The following PCDHGA2 variants were observed in gnomAD, a reference collection of about 807,000 sequenced individuals.
PCDHGA2 encodes the protein protocadherin gamma-A2.
PCDHGA2 carries 40 observed loss-of-function variants against 59.2 expected under a neutral mutation model. The observed-to-expected ratio is 0.68, with a 90% CI of 0.52 to 0.88. The LOEUF (loss-of-function observed/expected upper bound fraction) is 0.88. PCDHGA2 is among the 40% of genes least tolerant of loss of function. The pLI is 0.00. For missense variants in PCDHGA2, 1,226 were observed against 1,204.0 expected (o/e 1.02, Z -0.27); for synonymous variants, 560 against 526.0 (o/e 1.06, Z -0.89).
intron 1 of PCDHGA2, chr5:141,375,778 C>T (rs772854971): frequency 1.9e-6 from 3 of 1,614,242 alleles, no homozygotes; most frequent in South Asian, 2.2e-5. Flanking sequence ...TCCTGTACCC[C>T]GCCCTCCCCA....
At chr5:141,382,958 TG>T in intron 1 of PCDHGA2, 1 of 1,606,924 alleles carries the variant, frequency 6.2e-7, no homozygotes, top group Middle Eastern at 1.7e-4. Flanking sequence ...TCCATCCTCC[TG>T]GGGACCCCCT....
In PCDHGA2 at chr5:141,431,023, C is replaced by T. The variant is rs374655655; in HGVS notation, c.2425-63784C>T. 1 of 1,613,748 alleles carries T rather than the reference C, an allele frequency of 6.2e-7. No homozygotes were observed. On this transcript the variant is annotated intron_variant, in intron 1 of 3. Coordinates refer to ENST00000394576, the MANE Select transcript of PCDHGA2 (RefSeq NM_018915.4). This position sits in a 1 kb window ranked among gnomAD's most constrained non-coding sequence, Gnocchi z 4.8. Reference sequence around the variant, plus strand: ...GCAGCGGCAGCTTGGTCACGGCGGGCAGGATAGACCGGGAGGAGCTCTGTA... The same window carrying T: ...GCAGCGGCAGCTTGGTCACGGCGGGTAGGATAGACCGGGAGGAGCTCTGTA...
chr5:141,420,246 T>C (rs1216078492), intron 1 of PCDHGA2: 3 of 1,583,234 alleles, frequency 1.9e-6, no homozygotes, highest in African/African-American at 2.7e-5. Context: ...ACTCCCAGCG[T>C]TGAAGCAGAT....
At chr5:141,503,517 T>C (rs6878542) in intron 2 of PCDHGA2, among the ~76,000 whole-genome samples, 77,350 of 150,132 alleles carry the variant, frequency 0.52, 20,504 homozygotes, top group African/African-American at 0.63. Flanking sequence ...GAGAATCACT[T>C]GAACCTGGGA....
At chr5:141,399,864 G>A (rs762765678) in intron 1 of PCDHGA2, 1 of 1,612,860 alleles carries the variant, frequency 6.2e-7, no homozygotes. Flanking sequence ...GCGCTGCAGA[G>A]CCCGGCTACC....
intron 1 of PCDHGA2, chr5:141,351,424 CAAA>C (rs748407300): frequency 1.8e-4 from 295 of 1,611,554 alleles, no homozygotes; most frequent in Non-Finnish European, 2.4e-4. Context: ...AAGTTCCTTT[CAAA>C]TTAGAATCCA....
chr5:141,419,259 C>A (rs765877993), intron 1 of PCDHGA2: 11 of 1,614,016 alleles, frequency 6.8e-6, no homozygotes, highest in Non-Finnish European at 9.3e-6. Flanking sequence ...AACAACCAGC[C>A]GGGTGCCTCC....
At chr5:141,388,207 C>T (rs1374751231) in intron 1 of PCDHGA2, 1 of 1,578,332 alleles carries the variant, frequency 6.3e-7, no homozygotes, top group Admixed American at 1.7e-5. Flanking sequence ...GAATTTGAGG[C>T]TGTTGCTGAA....
chr5:141,511,276 T>C lies in PCDHGA2; in HGVS notation c.*103T>C. On this transcript the variant is annotated 3_prime_UTR_variant, in exon 4 of 4. Coordinates refer to ENST00000394576, the MANE Select transcript of PCDHGA2 (RefSeq NM_018915.4). ...AGAGTTTCAGGGCTAACCCCCAGAA[T>C]ACTGGTAGGGGCCAAGGCCATGCTC... 6.5e-7 allele frequency: 1 copy of C among 1,538,084 alleles called. No homozygotes were observed. Among genetic ancestry groups the C allele is most frequent in the Non-Finnish European group, 8.8e-7 (1 of 1,140,720 alleles).
chr5:141,355,216 G>A (rs1237611423), intron 1 of PCDHGA2: 1 of 1,604,048 alleles, frequency 6.2e-7, no homozygotes, highest in Admixed American at 1.7e-5. Context: ...GGCGCCTCCT[G>A]CTCGCCCAGA....
chr5:141,360,895 G>C lies in PCDHGA2; in HGVS notation c.2424+19500G>C, dbSNP rs766855815. The stretch of plus-strand genomic sequence containing the variant: ...CGTGTACAGGGTCACCCTGAGGGAG[G>C]ACGTGCCGCCGGGCTTCTTTGTGCT... On this transcript the variant is annotated intron_variant, in intron 1 of 3. Coordinates refer to ENST00000394576, the MANE Select transcript of PCDHGA2 (RefSeq NM_018915.4). The C allele has an allele frequency of 6.2e-6, 10 of 1,614,046 alleles. No homozygotes were observed. The Admixed American group carries it at 1.7e-4, about 27-fold the overall frequency.
chr5:141,395,538 TTGTTTG>T (rs1338769311), intron 1 of PCDHGA2: 4 of 225,774 alleles, frequency 1.8e-5, no homozygotes, highest in African/African-American at 1.7e-4. Flanking sequence ...AATTTTGCTA[TTGTTTG>T]TGTGTGTGTG....
chr5:141,473,848 A>T (rs1281010822), intron 1 of PCDHGA2, among the ~76,000 whole-genome samples: 1 of 152,198 alleles, frequency 6.6e-6, no homozygotes, highest in Non-Finnish European at 1.5e-5. Flanking sequence ...TTTTAGGAAG[A>T]TGAACCTCGC....
In PCDHGA2 at chr5:141,486,757, C is replaced by A; in HGVS notation, c.2425-8050C>A. 5 of 1,614,228 alleles carry A rather than the reference C, an allele frequency of 3.1e-6. No homozygotes were observed. Among genetic ancestry groups the A allele is most frequent in the Non-Finnish European group, 4.2e-6 (5 of 1,180,036 alleles). ...CTCGATCCTTTGACTATGAGCAAAC[C>A]CAGACACTGCAGTTTGAGGTGCAGG... On this transcript the variant is annotated intron_variant, in intron 1 of 3. Coordinates refer to ENST00000394576, the MANE Select transcript of PCDHGA2 (RefSeq NM_018915.4). This position sits in a 1 kb window ranked among gnomAD's most constrained non-coding sequence, Gnocchi z 5.0.
At chr5:141,371,960 C>T (rs771450244) in intron 1 of PCDHGA2, 16 of 1,613,142 alleles carry the variant, frequency 9.9e-6, no homozygotes, top group Admixed American at 1.7e-5. Flanking sequence ...CCTTCGACCA[C>T]GAGCAGCTGC....
intron 1 of PCDHGA2, chr5:141,433,179 T>C (rs760574214): frequency 1.2e-5 from 20 of 1,608,614 alleles, no homozygotes; most frequent in Admixed American, 1.7e-5. Flanking sequence ...CATGGGTTAA[T>C]TGAGGTGAGT....
At chr5:141,410,085 C>T (rs533911183) in intron 1 of PCDHGA2, 29 of 1,612,476 alleles carry the variant, frequency 1.8e-5, no homozygotes, top group South Asian at 1.1e-5. Flanking sequence ...GAGGTGCGCA[C>T]GGCTCGAGCC....
chr5:141,412,041 T>G (rs2095531468), intron 1 of PCDHGA2: 1 of 152,108 alleles, frequency 6.6e-6, no homozygotes, highest in Non-Finnish European at 1.5e-5. Context: ...GTGAAAGAAG[T>G]GAACTTCTAT....
intron 1 of PCDHGA2, chr5:141,433,208 C>CT (rs745329085): frequency 0.022 from 27,155 of 1,216,152 alleles, no homozygotes; most frequent in Non-Finnish European, 0.026. Flanking sequence ...AATCTTCTTT[C>CT]TTTTTTTTTT....
Sources: gnomAD v4.1 joint callset for allele counts (sites outside exome capture counted in the v4.1 genomes callset) on GRCh38, gnomAD v4.1.1 for gene constraint, Gnocchi (gnomAD v3.1) non-coding constraint, MANE v1.5 for transcripts, NCBI Gene and HGNC (gene_info 2026-07-23, HGNC 2026-07-21) for gene names.